Variants in GPC6 observed in about 807,000 individuals in gnomAD.
GPC6 encodes glypican 6.
In GPC6, 14 loss-of-function variants were observed where a neutral mutation model predicts 55.2. The ratio of observed to expected loss-of-function variants is 0.25; its 90% CI spans 0.17 to 0.40. GPC6 has a LOEUF of 0.40. Ranked by LOEUF, GPC6 falls within the 10% of genes least tolerant of loss-of-function variation. GPC6 has a pLI of 1.00. For missense variants in GPC6, 641 were observed against 708.5 expected, an observed-to-expected ratio of 0.90 and a Z score of 1.08; for synonymous variants, 278 against 259.6, an observed-to-expected ratio of 1.07 and a Z score of -0.68.
chr13:94,391,934 T>G (rs1245458586), intron 7 of GPC6, among the ~76,000 whole-genome samples: 2 of 152,272 alleles, frequency 1.3e-5, no homozygotes, highest in Admixed American at 6.5e-5. Context: ...CTTACTATAA[T>G]GTCCTCAAGG....
chr13:93,993,216 T>G (rs1437903100), intron 3 of GPC6, among the ~76,000 whole-genome samples: 1 of 152,174 alleles, frequency 6.6e-6, no homozygotes. Context: ...TAAATAGATG[T>G]ATTTGCATCC....
chr13:93,970,276 C>T (rs113696300), intron 3 of GPC6, among the ~76,000 whole-genome samples: 12 of 152,224 alleles, frequency 7.9e-5, no homozygotes, highest in African/African-American at 2.9e-4. Flanking sequence ...TGCCATAAAT[C>T]AGCTCTACTA....
At chr13:94,097,746 A>G (rs932790198) in intron 4 of GPC6, among the ~76,000 whole-genome samples, 4 of 152,180 alleles carry the variant, frequency 2.6e-5, no homozygotes, top group African/African-American at 9.7e-5. Context: ...GTTATAAATC[A>G]TGTTATTGAT....
chr13:93,871,174 A>C (rs79688213), intron 3 of GPC6, among the ~76,000 whole-genome samples: 5,830 of 152,016 alleles, frequency 0.038, 350 homozygotes, highest in African/African-American at 0.13. Flanking sequence ...CTCTGTCTGC[A>C]CGTTTCTGAA....
chr13:94,262,093 C>T (rs1891673157), intron 4 of GPC6, among the ~76,000 whole-genome samples: 1 of 152,054 alleles, frequency 6.6e-6, no homozygotes, highest in Non-Finnish European at 1.5e-5. Flanking sequence ...TTTTAATGGC[C>T]CCTATTTTTT....
At chr13:94,236,521 A>G (rs1417159970) in intron 4 of GPC6, among the ~76,000 whole-genome samples, 1 of 152,204 alleles carries the variant, frequency 6.6e-6, no homozygotes, top group East Asian at 1.9e-4. Context: ...AGACAATTGC[A>G]TAAAATGCTA....
At chr13:94,283,171 C>T (rs1283040001) in intron 4 of GPC6, among the ~76,000 whole-genome samples, 1 of 152,218 alleles carries the variant, frequency 6.6e-6, no homozygotes, top group African/African-American at 2.4e-5. Flanking sequence ...TTGGTCCTTT[C>T]CTTTCCCCTT....
intron 1 of GPC6, among the ~76,000 whole-genome samples, chr13:93,300,010 A>C (rs1486921384): frequency 6.6e-6 from 1 of 152,242 alleles, no homozygotes; most frequent in African/African-American, 2.4e-5. Context: ...GCTGCAGCAT[A>C]GCAGCACCTG....
At chr13:94,101,009 C>T (rs536348160) in intron 4 of GPC6, among the ~76,000 whole-genome samples, 5 of 152,212 alleles carry the variant, frequency 3.3e-5, no homozygotes, top group East Asian at 1.9e-4. Flanking sequence ...CTGGTCATTG[C>T]GTCAGGCAAA....
At chr13:94,149,165 C>T (rs1023812874) in intron 4 of GPC6, among the ~76,000 whole-genome samples, 1 of 152,076 alleles carries the variant, frequency 6.6e-6, no homozygotes, top group Non-Finnish European at 1.5e-5. Context: ...CTTTGTGTGC[C>T]TCCCTTCCCA....
intron 2 of GPC6, among the ~76,000 whole-genome samples, chr13:93,726,806 A>G (rs1933780): frequency 4.6e-5 from 7 of 152,104 alleles, no homozygotes; most frequent in South Asian, 2.1e-4. Context: ...ACAACTACCC[A>G]CTTAGGACTA....
intron 1 of GPC6, among the ~76,000 whole-genome samples, chr13:93,443,970 C>T (rs12876057): frequency 0.21 from 32,211 of 151,976 alleles, 3,576 homozygotes; most frequent in Middle Eastern, 0.29. Context: ...CCATTATATC[C>T]GCTTGGGAGA....
At chr13:94,288,936 T>TAGAG (rs1874776164) in intron 5 of GPC6, among the ~76,000 whole-genome samples, 1 of 117,948 alleles carries the variant, frequency 8.5e-6, no homozygotes, top group African/African-American at 4.0e-5. Context: ...CAAATATAGA[T>TAGAG]AGATAGATAG....
At chr13:93,669,634 C>T (rs1881279214) in intron 2 of GPC6, among the ~76,000 whole-genome samples, 1 of 152,024 alleles carries the variant, frequency 6.6e-6, no homozygotes, top group Non-Finnish European at 1.5e-5. Context: ...TTTATTCATG[C>T]AGGAAGTGGG....
intron 4 of GPC6, among the ~76,000 whole-genome samples, chr13:94,236,637 T>C (rs1458019200): frequency 6.6e-6 from 1 of 152,192 alleles, no homozygotes; most frequent in Non-Finnish European, 1.5e-5. Flanking sequence ...AAAATGAAAG[T>C]AACTTTGAGC....
intron 3 of GPC6, among the ~76,000 whole-genome samples, chr13:93,914,157 C>A (rs1223180459): frequency 6.6e-6 from 1 of 152,120 alleles, no homozygotes; most frequent in Non-Finnish European, 1.5e-5. Context: ...TGTTGGTGTG[C>A]TGCACCCATC....
intron 4 of GPC6, among the ~76,000 whole-genome samples, chr13:94,039,059 AG>A (rs985387626): frequency 6.6e-6 from 1 of 151,996 alleles, no homozygotes; most frequent in East Asian, 1.9e-4. Flanking sequence ...TGGTGACACC[AG>A]GGGGGGAAAA....
At chr13:93,523,452 CAT>C (rs201687746) in intron 1 of GPC6, among the ~76,000 whole-genome samples, 1,015 of 34,494 alleles carry the variant, frequency 0.029, 15 homozygotes, top group African/African-American at 0.091. Flanking sequence ...CACACACACA[CAT>C]ACACACATAT....
rs79828290 is a variant in GPC6 at position 94,200,582 on chromosome 13, T to A, written c.878-85767T>A. Among the ~76,000 whole-genome samples the A allele has an allele frequency of 2.4e-3, 369 of 152,292 alleles. 1 individual carries two copies. Among genetic ancestry groups the A allele is most frequent in the African/African-American group, 8.6e-3 (357 of 41,558 alleles). On this transcript the variant is annotated intron_variant, in intron 4 of 8. Coordinates refer to ENST00000377047, the MANE Select transcript of GPC6 (RefSeq NM_005708.5). ...CTGAAGTCTATTTTAATGGTGTCTC[T>A]ATTCAAATAAAAGTGTGATGGTGGA...
Sources: gnomAD v4.1 joint callset for allele counts (sites outside exome capture counted in the v4.1 genomes callset) on GRCh38, gnomAD v4.1.1 for gene constraint, MANE v1.5 for transcripts, NCBI Gene and HGNC (gene_info 2026-07-23, HGNC 2026-07-21) for gene names.